SPAG1: variants seen among roughly 807,000 people sequenced by gnomAD.
SPAG1 encodes sperm-associated antigen 1.
In SPAG1, 69 loss-of-function variants were observed where a neutral mutation model predicts 100.5. That is an observed-to-expected ratio of 0.69 (90% CI 0.57 to 0.84). The LOEUF is 0.84. SPAG1 is among the 40% of genes least tolerant of loss of function. The pLI is 0.00. For missense variants in SPAG1, 955 were observed against 1,133.1 expected (o/e 0.84, Z 2.26); for synonymous variants, 336 against 411.6 (o/e 0.82, Z 2.22).
At chr8:100,206,017 CAAAAAAAAAAAAAAAAAAAAA>C (rs574907013) in intron 10 of SPAG1, among the ~76,000 whole-genome samples, 40,074 of 77,552 alleles carry the variant, frequency 0.52, 7,686 homozygotes, top group East Asian at 0.67. Context: ...GACTCTGTCT[CAAAAAAAAAAAAAAAAAAAAA>C]AAAAAAAAAA....
intron 15 of SPAG1, among the ~76,000 whole-genome samples, chr8:100,232,294 C>T (rs1818810026): frequency 6.6e-6 from 1 of 152,030 alleles, no homozygotes; most frequent in South Asian, 2.1e-4. Context: ...TCGTCCTCTC[C>T]CTCTCCTTCT....
chr8:100,225,368 C>T, intron 14 of SPAG1, 29 bp downstream of exon 14: 1 of 1,606,580 alleles, frequency 6.2e-7, no homozygotes, highest in Non-Finnish European at 8.5e-7. Context: ...CATTTCTTCT[C>T]AAGGTTACCT....
chr8:100,164,996 T>C (rs1815485432), intron 2 of SPAG1, among the ~76,000 whole-genome samples: 1 of 152,222 alleles, frequency 6.6e-6, no homozygotes, highest in Non-Finnish European at 1.5e-5. Flanking sequence ...ATGAACTACC[T>C]GTTTGTGTGT....
chr8:100,199,848 A>G (rs1016377073), intron 10 of SPAG1, among the ~76,000 whole-genome samples: 1 of 152,002 alleles, frequency 6.6e-6, no homozygotes, highest in African/African-American at 2.4e-5. Flanking sequence ...ATGATTTGCA[A>G]ATACTTTTCC....
Position 100,192,618 on chromosome 8 carries a change from C to T in SPAG1, c.939+1122C>T, listed in dbSNP as rs529641292. The stretch of plus-strand genomic sequence containing the variant: ...CACATACACCTATTGGGTTACCTAT[C>T]CCACTGTCTCTGAGTGGCAGCTAAT... On this transcript the variant is annotated intron_variant, in intron 9 of 18. Transcript: ENST00000388798. Among the ~76,000 whole-genome samples the T allele has an allele frequency of 3.9e-5, 6 of 152,320 alleles. No homozygotes were observed. In the East Asian group the frequency reaches 9.6e-4, roughly 24 times the overall value.
At chr8:100,238,417 T>G (rs1218296819) in intron 16 of SPAG1, among the ~76,000 whole-genome samples, 1 of 152,208 alleles carries the variant, frequency 6.6e-6, no homozygotes, top group Non-Finnish European at 1.5e-5. Flanking sequence ...CAGCCTCTTG[T>G]GCATGCTGTT....
Position 100,231,238 on chromosome 8 carries a change from C to CTT in SPAG1, c.1938_1939insTT (p.Ser647LeufsTer5). 5 of 1,605,380 alleles carry CTT rather than the reference C, an allele frequency of 3.1e-6. No individual in the cohort carries two copies. The highest frequency in any genetic ancestry group is 4.3e-6 in the Non-Finnish European group (5 of 1,173,874). On this transcript the variant is annotated frameshift_variant, in exon 15 of 19. Transcript: ENST00000388798. LOFTEE classifies it high-confidence loss of function. ...ACTATAAAGACGCCCTCAGTAAATA[C>CTT]AGCGAATGCTTAAAGATTAACAATA...
chr8:100,234,707 T>C (rs114876318), intron 16 of SPAG1, among the ~76,000 whole-genome samples: 2,964 of 152,312 alleles, frequency 0.019, 115 homozygotes, highest in African/African-American at 0.067. Flanking sequence ...GTGACATTCT[T>C]GTGTACATTT....
At chr8:100,237,026 T>G (rs1209079402) in intron 16 of SPAG1, among the ~76,000 whole-genome samples, 1 of 152,230 alleles carries the variant, frequency 6.6e-6, no homozygotes. Flanking sequence ...TTAGCAACTT[T>G]TAATGCCTTC....
intron 17 of SPAG1, 36 bp from the exon 18 acceptor site, chr8:100,240,367 T>G: frequency 6.5e-7 from 1 of 1,546,442 alleles, no homozygotes; most frequent in Non-Finnish European, 8.7e-7. Flanking sequence ...TGATTGTGGT[T>G]CAGTGTCACA....
intron 3 of SPAG1, among the ~76,000 whole-genome samples, chr8:100,170,098 T>A (rs62532707): frequency 0.059 from 8,942 of 152,248 alleles, 367 homozygotes; most frequent in South Asian, 0.12. Flanking sequence ...TGTGTTTGAA[T>A]TGGGATTGTG....
At chr8:100,236,590 C>CTT (rs1250873590) in intron 16 of SPAG1, among the ~76,000 whole-genome samples, 3 of 152,164 alleles carry the variant, frequency 2.0e-5, no homozygotes, top group Non-Finnish European at 4.4e-5. Context: ...CAGCTCAACT[C>CTT]TATGTTTTCC....
intron 15 of SPAG1, among the ~76,000 whole-genome samples, chr8:100,232,745 G>T (rs1276310735): frequency 2.0e-5 from 3 of 152,128 alleles, no homozygotes; most frequent in African/African-American, 7.2e-5. Context: ...AAATGTGTCA[G>T]CCCCTATTAA....
At chr8:100,202,965 C>T (rs1444702021) in intron 10 of SPAG1, among the ~76,000 whole-genome samples, 2 of 152,158 alleles carry the variant, frequency 1.3e-5, no homozygotes, top group Non-Finnish European at 2.9e-5. Flanking sequence ...CCTACCACTG[C>T]ACTCCAGCCT....
intron 13 of SPAG1, among the ~76,000 whole-genome samples, chr8:100,221,072 C>CAA (rs1563806904): frequency 0.019 from 2,680 of 142,336 alleles, 83 homozygotes; most frequent in African/African-American, 0.066. Flanking sequence ...GATTCCAACT[C>CAA]CAAAAAAAAA....
intron 3 of SPAG1, among the ~76,000 whole-genome samples, chr8:100,170,711 A>G (rs1038887321): frequency 1.3e-5 from 2 of 152,236 alleles, no homozygotes; most frequent in Non-Finnish European, 2.9e-5. Flanking sequence ...GATTAGTTCT[A>G]GGAATGTTTT....
chr8:100,223,015 T>C (rs1818352127), intron 13 of SPAG1, among the ~76,000 whole-genome samples: 1 of 152,240 alleles, frequency 6.6e-6, no homozygotes, highest in East Asian at 1.9e-4. Flanking sequence ...AATGGAATCA[T>C]ATATGGCCTT....
intron 10 of SPAG1, among the ~76,000 whole-genome samples, chr8:100,206,281 C>T (rs1332112411): frequency 6.6e-6 from 1 of 152,192 alleles, no homozygotes; most frequent in Non-Finnish European, 1.5e-5. Context: ...ATGTCTTTTT[C>T]TCCATTCCTG....
At chr8:100,203,603 A>C (rs1057507863) in intron 10 of SPAG1, among the ~76,000 whole-genome samples, 5 of 152,214 alleles carry the variant, frequency 3.3e-5, no homozygotes, top group African/African-American at 1.2e-4. Context: ...TTCATCACTC[A>C]TGAGAGGCAA....
Sources: gnomAD v4.1 joint callset for allele counts (sites outside exome capture counted in the v4.1 genomes callset) on GRCh38, gnomAD v4.1.1 for gene constraint, MANE v1.5 for transcripts, NCBI Gene and HGNC (gene_info 2026-07-23, HGNC 2026-07-21) for gene names.